The following GUCY1B1 variants were observed in gnomAD, a reference collection of about 807,000 sequenced individuals.
GUCY1B1 encodes guanylate cyclase soluble subunit beta-1.
Under a neutral mutation model 71.0 loss-of-function variants are expected in GUCY1B1, and 43 were observed. The ratio of observed to expected loss-of-function variants is 0.61; its 90% CI spans 0.47 to 0.78. The LOEUF (loss-of-function observed/expected upper bound fraction) is 0.78. Among genes scored for constraint, GUCY1B1 ranks in the 30% least tolerant of loss-of-function variants. The pLI, the probability that GUCY1B1 is intolerant of heterozygous loss-of-function variation, is 0.00. For synonymous variants in GUCY1B1, 266 were observed against 259.7 expected (o/e 1.02, Z -0.23); for missense variants, 535 against 754.1 (o/e 0.71, Z 3.40).
Position 155,793,838 on chromosome 4 carries a change from T to C in GUCY1B1, c.496-18T>C, listed in dbSNP as rs775322380. On this transcript the variant is annotated intron_variant, in intron 5 of 13. Coordinates refer to ENST00000264424, the MANE Select transcript of GUCY1B1 (RefSeq NM_000857.5). ...TGAAATGAAGACAATTCATGCCATTTCCCCCTTTGATATCCAGGTTATTCA... is the reference window on the plus strand; with the variant it reads ...TGAAATGAAGACAATTCATGCCATTCCCCCCTTTGATATCCAGGTTATTCA... 51 of 1,076,012 alleles carry C rather than the reference T, an allele frequency of 4.7e-5. No homozygotes were observed. Among genetic ancestry groups the C allele is most frequent in the Admixed American group, 1.4e-4 (8 of 58,656 alleles). The allele number at this position is 1,076,012 out of a possible 1,614,324, so 66.7% of individuals were successfully genotyped here. A position where few individuals can be genotyped will look rare whatever the true frequency, so the allele number is the denominator to read the frequency against.
intron 10 of GUCY1B1, among the ~76,000 whole-genome samples, 196 bp from the exon 11 acceptor site, chr4:155,803,428 A>G (rs4234963): frequency 0.69 from 104,530 of 152,122 alleles, 37,977 homozygotes; most frequent in African/African-American, 0.93. Context: ...CCAAGTGTCC[A>G]TCATGTGTGT....
chr4:155,786,503 T>C (rs1328054033), intron 4 of GUCY1B1, among the ~76,000 whole-genome samples: 1 of 126,898 alleles, frequency 7.9e-6, no homozygotes, highest in Non-Finnish European at 1.6e-5. Flanking sequence ...GGAGTCTCAC[T>C]CTGTCGCCCA....
At chr4:155,796,558 G>A (rs1359345209) in intron 8 of GUCY1B1, 48 bp downstream of exon 8, 1 of 1,287,124 alleles carries the variant, frequency 7.8e-7, no homozygotes, top group Admixed American at 2.2e-5. Context: ...CCTATCTTTA[G>A]CTAACAAAGG....
At chr4:155,775,189 A>T (rs1737959317) in intron 3 of GUCY1B1, 121 bp downstream of exon 3, 1 of 680,036 alleles carries the variant, frequency 1.5e-6, no homozygotes. Context: ...CAACCTGCAT[A>T]GTTGTGTGGT....
intron 4 of GUCY1B1, among the ~76,000 whole-genome samples, chr4:155,778,328 A>T (rs1738194818): frequency 6.6e-6 from 1 of 152,210 alleles, no homozygotes; most frequent in South Asian, 2.1e-4. Flanking sequence ...TTCTGGATTG[A>T]CTATACTATT....
At chr4:155,804,322 T>C (rs1018076375) in intron 11 of GUCY1B1, among the ~76,000 whole-genome samples, 2 of 151,998 alleles carry the variant, frequency 1.3e-5, no homozygotes, top group African/African-American at 4.8e-5. Context: ...TGAGAACACA[T>C]GGACACAAGG....
chr4:155,774,973 A>G lies in GUCY1B1; in HGVS notation c.83A>G (p.Glu28Gly). The G allele has an allele frequency of 2.6e-6, 4 of 1,542,370 alleles. No individual in the cohort carries two copies. The Admixed American group carries it at 5.0e-5, about 19-fold the overall frequency. The stretch of plus-strand genomic sequence containing the variant: ...TTCTTGTTTTTGTTTTCCAGAAAAG[A>G]GGCACAGTTAGATGAAGAAGGACAG... ...GPEVWEDIKK[E>G]AQLDEEGQFL... Residue 28 changes from glutamate (E) to glycine (G), a missense_variant, in exon 3 of 14, where the codon GAG becomes GGG. Glu to Gly is a moderately conservative substitution (Grantham distance 98). Coordinates refer to ENST00000264424, the MANE Select transcript of GUCY1B1 (RefSeq NM_000857.5).
At chr4:155,759,203 G>A in intron 1 of GUCY1B1, 60 bp downstream of exon 1, 1 of 1,510,192 alleles carries the variant, frequency 6.6e-7, no homozygotes, top group Non-Finnish European at 9.0e-7. Context: ...GCCTGGCAGC[G>A]AGGGAACTGG....
intron 2 of GUCY1B1, among the ~76,000 whole-genome samples, chr4:155,764,695 A>T (rs576136181): frequency 6.6e-6 from 1 of 152,336 alleles, no homozygotes; most frequent in Admixed American, 6.5e-5. Flanking sequence ...AGTTAGCCTG[A>T]AATACAGAGG....
At chr4:155,764,006 C>G (rs1258327070) in intron 2 of GUCY1B1, among the ~76,000 whole-genome samples, 1 of 48,582 alleles carries the variant, frequency 2.1e-5, no homozygotes, top group African/African-American at 8.1e-5. Context: ...TTCTATCAGT[C>G]TAAATTTTTT....
Position 155,774,953 on chromosome 4 carries a change from G to C in GUCY1B1, c.78-15G>C. On this transcript the variant is annotated splice_polypyrimidine_tract_variant and intron_variant, in intron 2 of 13. Transcript: ENST00000264424. ...TCAACTTTTCTCTTCTGTCTTTCTT[G>C]TTTTTGTTTTCCAGAAAAGAGGCAC... 1 of 1,352,510 alleles carries C rather than the reference G, an allele frequency of 7.4e-7. No individual in the cohort carries two copies. The highest frequency in any genetic ancestry group is 1.8e-4 in the Middle Eastern group (1 of 5,568). The allele number at this position is 1,352,510 out of a possible 1,614,324, so 83.8% of individuals were successfully genotyped here.
At chr4:155,804,006 T>C (rs1314540238) in intron 11 of GUCY1B1, among the ~76,000 whole-genome samples, 1 of 152,186 alleles carries the variant, frequency 6.6e-6, no homozygotes, top group Non-Finnish European at 1.5e-5. Context: ...AAAAAACCTC[T>C]TGTACCTTCT....
chr4:155,799,783 G>A (rs537928826), intron 8 of GUCY1B1, 94 bp from the exon 9 acceptor site: 1 of 643,460 alleles, frequency 1.6e-6, no homozygotes, highest in Non-Finnish European at 2.8e-6. Context: ...TGAATGGTAG[G>A]AGGTGGCAGG....
intron 2 of GUCY1B1, among the ~76,000 whole-genome samples, chr4:155,760,980 A>C (rs1736963230): frequency 6.6e-6 from 1 of 152,188 alleles, no homozygotes. Context: ...TCTCATAACG[A>C]TCTGTTTCCA....
chr4:155,765,361 C>T (rs559373690), intron 2 of GUCY1B1, among the ~76,000 whole-genome samples: 58 of 152,198 alleles, frequency 3.8e-4, no homozygotes, highest in African/African-American at 1.3e-3. Context: ...TGGCTAGATC[C>T]GAGGGTGACA....
intron 5 of GUCY1B1, among the ~76,000 whole-genome samples, chr4:155,793,009 A>G (rs1312982154): frequency 1.3e-5 from 2 of 152,216 alleles, no homozygotes; most frequent in Admixed American, 6.5e-5. Context: ...AGATTAATCA[A>G]AATACCCCCT....
intron 4 of GUCY1B1, among the ~76,000 whole-genome samples, chr4:155,784,092 T>C (rs546972414): frequency 3.9e-4 from 60 of 152,292 alleles, no homozygotes; most frequent in Non-Finnish European, 8.4e-4. Flanking sequence ...AGAAATATTT[T>C]AACTGTTTTT....
At chr4:155,762,815 C>T (rs1184482499) in intron 2 of GUCY1B1, among the ~76,000 whole-genome samples, 2 of 152,150 alleles carry the variant, frequency 1.3e-5, no homozygotes, top group Non-Finnish European at 2.9e-5. Context: ...CCATTGTTAG[C>T]TCTTGGACCA....
chr4:155,787,474 A>G (rs1738876201), intron 4 of GUCY1B1, among the ~76,000 whole-genome samples: 1 of 152,196 alleles, frequency 6.6e-6, no homozygotes, highest in African/African-American at 2.4e-5. Flanking sequence ...GTCAAACTTC[A>G]TGACCTAGCT....
Sources: gnomAD v4.1 joint callset for allele counts (sites outside exome capture counted in the v4.1 genomes callset) on GRCh38, gnomAD v4.1.1 for gene constraint, MANE v1.5 for transcripts, NCBI Gene and HGNC (gene_info 2026-07-23, HGNC 2026-07-21) for gene names.